The following PEPD variants were observed in gnomAD, a reference collection of about 807,000 sequenced individuals.
PEPD encodes xaa-Pro dipeptidase.
In PEPD, 53 loss-of-function variants were observed where a neutral mutation model predicts 60.7. That is an observed-to-expected ratio of 0.87 (90% CI 0.70 to 1.10). The LOEUF (loss-of-function observed/expected upper bound fraction) is 1.10. Ranked by LOEUF, PEPD falls within the 50% of genes least tolerant of loss-of-function variation. PEPD has a pLI of 0.00. For synonymous variants in PEPD, 267 were observed against 284.1 expected, an observed-to-expected ratio of 0.94 and a Z score of 0.60; for missense variants, 711 against 711.9, an observed-to-expected ratio of 1.00 and a Z score of 0.01.
intron 9 of PEPD, among the ~76,000 whole-genome samples, chr19:33,421,568 G>A (rs1046544431): frequency 6.6e-6 from 1 of 152,146 alleles, no homozygotes; most frequent in Admixed American, 6.5e-5. Flanking sequence ...ACAGCTCACT[G>A]CAGGCTCAAA....
rs1233040038 is a variant in PEPD at position 33,387,249 on chromosome 19, G to A, written c.*95C>T. 4 of 1,440,990 alleles carry A rather than the reference G, an allele frequency of 2.8e-6. No individual in the cohort carries two copies. The highest frequency in any genetic ancestry group is 2.8e-5 in the African/African-American group (2 of 71,786). 89.3% of individuals were successfully genotyped at this position (1,440,990 alleles called of 1,614,324 possible). On this transcript the variant is annotated 3_prime_UTR_variant, in exon 15 of 15. Transcript: ENST00000244137. ...AAGCTGGGATCTGATTCTGGGTGCC[G>A]TCTCTCGCTACTGGAGTGCTGACCA...
intron 1 of PEPD, among the ~76,000 whole-genome samples, chr19:33,514,588 C>T (rs1970991870): frequency 6.6e-6 from 1 of 151,912 alleles, no homozygotes; most frequent in Admixed American, 6.5e-5. Context: ...CCAACCTACC[C>T]GACCTCCTCA....
At chr19:33,418,763 A>G (rs889293677) in intron 9 of PEPD, among the ~76,000 whole-genome samples, 1 of 152,182 alleles carries the variant, frequency 6.6e-6, no homozygotes, top group African/African-American at 2.4e-5. Context: ...CCCAGGCCCC[A>G]GCATGACGAC....
intron 4 of PEPD, 172 bp from the exon 5 acceptor site, chr19:33,493,509 GAA>G: frequency 1.4e-6 from 1 of 694,578 alleles, no homozygotes; most frequent in South Asian, 1.5e-5. Flanking sequence ...TCCCCTGGTT[GAA>G]GGACTTCTGA....
chr19:33,411,908 C>T (rs903473821), intron 10 of PEPD, among the ~76,000 whole-genome samples, 159 bp from the exon 11 acceptor site: 8 of 152,198 alleles, frequency 5.3e-5, no homozygotes, highest in Non-Finnish European at 1.0e-4. Flanking sequence ...GAGGTAAGGC[C>T]GGGGGACATG....
chr19:33,420,702 A>AAAAT (rs61576295), intron 9 of PEPD, among the ~76,000 whole-genome samples: 39,335 of 149,114 alleles, frequency 0.26, 5,350 homozygotes, highest in East Asian at 0.31. Flanking sequence ...ACTCTGTCTC[A>AAAAT]AAATAAATAA....
At chr19:33,425,747 G>C (rs1449233208) in intron 9 of PEPD, among the ~76,000 whole-genome samples, 1 of 152,218 alleles carries the variant, frequency 6.6e-6, no homozygotes, top group African/African-American at 2.4e-5. Flanking sequence ...GGTGAGACAA[G>C]AACTTGACCA....
chr19:33,512,742 C>T lies in PEPD; in HGVS notation c.52G>A (p.Val18Met), dbSNP rs758085843. The change falls in exon 2 of 15, where the codon GTG (valine) becomes ATG (methionine). Residue 18 changes from valine (V) to methionine (M), a missense_variant. Val to Met is a conservative substitution (Grantham distance 21, BLOSUM62 1). Coordinates refer to ENST00000244137, the MANE Select transcript of PEPD (RefSeq NM_000285.4). Reference sequence around the variant, plus strand: ...TTCAAGGCAAAGAGCGCCAGCGGCACCTTCAGGGTTTCATTCCCCAGCCAA... The same window carrying T: ...TTCAAGGCAAAGAGCGCCAGCGGCATCTTCAGGGTTTCATTCCCCAGCCAA... ...SFWLGNETLK[V>M]PLALFALNRQ... 5.0e-6 allele frequency: 8 copies of T among 1,614,022 alleles called. No homozygotes were observed. In the Admixed American group the frequency reaches 6.7e-5, roughly 13 times the overall value.
chr19:33,423,388 C>A (rs772146735), intron 9 of PEPD, among the ~76,000 whole-genome samples: 14 of 152,314 alleles, frequency 9.2e-5, no homozygotes, highest in African/African-American at 3.4e-4. Flanking sequence ...TCACTGTCCT[C>A]GGGCTAAATT....
intron 9 of PEPD, among the ~76,000 whole-genome samples, chr19:33,437,592 TG>T (rs1420695965): frequency 6.6e-6 from 1 of 152,204 alleles, no homozygotes; most frequent in East Asian, 1.9e-4. Context: ...AATTTTAGAC[TG>T]TGGTTGAACT....
chr19:33,410,497 C>T (rs1017175889), intron 11 of PEPD, among the ~76,000 whole-genome samples: 1 of 152,190 alleles, frequency 6.6e-6, no homozygotes, highest in African/African-American at 2.4e-5. Flanking sequence ...GCTGGGGACT[C>T]TGGGGGGTGG....
At chr19:33,453,776 T>C (rs1969745916) in intron 9 of PEPD, among the ~76,000 whole-genome samples, 1 of 152,240 alleles carries the variant, frequency 6.6e-6, no homozygotes, top group Non-Finnish European at 1.5e-5. Flanking sequence ...TATGAAGTGC[T>C]ATTATTTTTT....
intron 9 of PEPD, among the ~76,000 whole-genome samples, chr19:33,423,181 T>C (rs1199245472): frequency 2.0e-5 from 3 of 152,220 alleles, no homozygotes; most frequent in Admixed American, 2.0e-4. Flanking sequence ...TTTTGTTCAC[T>C]GTAGTATCCC....
chr19:33,390,202 G>A (rs1968181038), intron 13 of PEPD, among the ~76,000 whole-genome samples: 1 of 152,230 alleles, frequency 6.6e-6, no homozygotes, highest in Admixed American at 6.5e-5. Context: ...GGTGCTTACT[G>A]GAAAAGATGA....
chr19:33,491,724 G>T (rs1970504081), intron 5 of PEPD, among the ~76,000 whole-genome samples: 1 of 152,114 alleles, frequency 6.6e-6, no homozygotes, highest in Non-Finnish European at 1.5e-5. Flanking sequence ...AAAGGTAGAG[G>T]GGGAGAAAGG....
chr19:33,424,053 A>G (rs369632187), intron 9 of PEPD, among the ~76,000 whole-genome samples: 129 of 152,354 alleles, frequency 8.5e-4, no homozygotes, highest in African/African-American at 3.1e-3. Context: ...GTTGAAAGAT[A>G]AATCCTTTAC....
chr19:33,462,548 G>GGA (rs1969945314), intron 9 of PEPD, among the ~76,000 whole-genome samples: 1 of 152,240 alleles, frequency 6.6e-6, no homozygotes, highest in Non-Finnish European at 1.5e-5. Context: ...AGCCCTAATA[G>GGA]GAGCAGAAGG....
chr19:33,399,775 C>CT (rs1376095211), intron 12 of PEPD, among the ~76,000 whole-genome samples: 1 of 152,122 alleles, frequency 6.6e-6, no homozygotes, highest in African/African-American at 2.4e-5. Context: ...TTTCTTTCTT[C>CT]TTTTTTCCTT....
At chr19:33,462,958 ACC>A in intron 9 of PEPD, 35 bp downstream of exon 9, 1 of 1,392,916 alleles carries the variant, frequency 7.2e-7, no homozygotes, top group Non-Finnish European at 1.0e-6. Flanking sequence ...ACTGTTTTTT[ACC>A]TTTTAATTTT....
Sources: gnomAD v4.1 joint callset for allele counts (sites outside exome capture counted in the v4.1 genomes callset) on GRCh38, gnomAD v4.1.1 for gene constraint, MANE v1.5 for transcripts, NCBI Gene and HGNC (gene_info 2026-07-23, HGNC 2026-07-21) for gene names.